STK17A: variants seen among roughly 807,000 people sequenced by gnomAD.
STK17A encodes the protein serine/threonine kinase 17a.
Under a neutral mutation model 43.7 loss-of-function variants are expected in STK17A, and 26 were observed. That is an observed-to-expected ratio of 0.60 (90% CI 0.44 to 0.83). STK17A has a LOEUF of 0.83. Among genes scored for constraint, STK17A ranks in the 40% least tolerant of loss-of-function variants. The pLI is 0.00. For synonymous variants in STK17A, 191 were observed against 182.5 expected (o/e 1.05, Z -0.38); for missense variants, 476 against 511.6 (o/e 0.93, Z 0.67).
chr7:43,591,963 T>A (rs1456972924), intron 1 of STK17A, among the ~76,000 whole-genome samples: 1 of 151,592 alleles, frequency 6.6e-6, no homozygotes, highest in Non-Finnish European at 1.5e-5. Flanking sequence ...GAATGTCAGG[T>A]GTGGCAACAG....
intron 3 of STK17A, among the ~76,000 whole-genome samples, chr7:43,616,407 C>T (rs2083347331): frequency 6.6e-6 from 1 of 152,194 alleles, no homozygotes; most frequent in Non-Finnish European, 1.5e-5. Flanking sequence ...TTCTTCCATT[C>T]ATTCACCCAA....
intron 1 of STK17A, among the ~76,000 whole-genome samples, chr7:43,594,296 A>G (rs546958027): frequency 6.7e-6 from 1 of 150,170 alleles, no homozygotes; most frequent in South Asian, 2.1e-4. Context: ...ATGGGGATTG[A>G]TTGCAAATTG....
In STK17A at chr7:43,583,351, G is replaced by A; in HGVS notation, c.108G>A (p.Pro36=). The change falls in exon 1 of 7, where the codon CCG becomes CCA. Residue 36 remains proline, a synonymous_variant. Coordinates refer to ENST00000319357, the MANE Select transcript of STK17A (RefSeq NM_004760.3). ...GLSGPCRPPP[P]PQARGLLTEI... ...GCGGGCCGTGCCGGCCGCCGCCGCCGCCCCAGGCCCGCGGGCTGCTGACAG... is the reference window on the plus strand; with the variant it reads ...GCGGGCCGTGCCGGCCGCCGCCGCCACCCCAGGCCCGCGGGCTGCTGACAG... The A allele has an allele frequency of 7.0e-7, 1 of 1,434,222 alleles. No homozygotes were observed. Among genetic ancestry groups the A allele is most frequent in the Admixed American group, 2.9e-5 (1 of 34,486 alleles). The allele number at this position is 1,434,222 out of a possible 1,614,324, so 88.8% of individuals were successfully genotyped here.
rs1379743838 is a variant in STK17A, at chr7:43,627,212, TTTGA to T, written c.*2376_*2379del. Among the ~76,000 whole-genome samples the T allele has an allele frequency of 1.2e-4, 18 of 152,210 alleles. No individual in the cohort carries two copies. Among genetic ancestry groups the T allele is most frequent in the African/African-American group, 3.4e-4 (14 of 41,444 alleles). Reference sequence around the variant, plus strand: ...AGTTTTAATCAACTGGGAAATGATATTTGATTGATCTTGTGTTTTGTTGTTTTCA... The same window carrying T: ...AGTTTTAATCAACTGGGAAATGATATTTGATCTTGTGTTTTGTTGTTTTCA... On this transcript the variant is annotated 3_prime_UTR_variant, in exon 7 of 7. Transcript: ENST00000319357.
chr7:43,592,554 A>G (rs762071291), intron 1 of STK17A, among the ~76,000 whole-genome samples: 1 of 152,124 alleles, frequency 6.6e-6, no homozygotes, highest in Non-Finnish European at 1.5e-5. Flanking sequence ...TAGAAGTTAG[A>G]ATTTAACAGG....
chr7:43,583,797 C>T (rs928689173), intron 1 of STK17A, among the ~76,000 whole-genome samples: 2 of 152,226 alleles, frequency 1.3e-5, no homozygotes, highest in African/African-American at 4.8e-5. Context: ...AGCAGCGGGT[C>T]TGAAAACCAG....
chr7:43,610,737 TATATAA>T (rs1296512117), intron 3 of STK17A, among the ~76,000 whole-genome samples: 1 of 152,174 alleles, frequency 6.6e-6, no homozygotes, highest in Non-Finnish European at 1.5e-5. Context: ...AGAGTCATAC[TATATAA>T]ATATAAATTC....
At chr7:43,616,748 T>C (rs1273076153) in intron 3 of STK17A, among the ~76,000 whole-genome samples, 1 of 151,760 alleles carries the variant, frequency 6.6e-6, no homozygotes, top group Non-Finnish European at 1.5e-5. Context: ...ATACAAAAAA[T>C]TAGCCGGGCG....
intron 2 of STK17A, among the ~76,000 whole-genome samples, chr7:43,598,484 A>AAG (rs2082535242): frequency 1.3e-5 from 2 of 151,608 alleles, no homozygotes; most frequent in African/African-American, 4.9e-5. Context: ...AAAAAAAAAA[A>AAG]AAAGGAAATA....
chr7:43,607,881 A>G (rs1478581828), intron 2 of STK17A, among the ~76,000 whole-genome samples: 1 of 152,214 alleles, frequency 6.6e-6, no homozygotes, highest in Non-Finnish European at 1.5e-5. Context: ...CTGTATGTGC[A>G]GAGGGCTTAG....
At chr7:43,619,895 G>C (rs748837966) in intron 4 of STK17A, among the ~76,000 whole-genome samples, 172 bp downstream of exon 4, 7 of 152,214 alleles carry the variant, frequency 4.6e-5, no homozygotes, top group African/African-American at 2.4e-5. Flanking sequence ...TCAAGAGTAA[G>C]ATACCAAATT....
Position 43,604,923 on chromosome 7 carries a change from C to T in STK17A, c.420-3333C>T, listed in dbSNP as rs144075019. 2.4e-3 allele frequency among the ~76,000 whole-genome samples: 365 copies of T among 152,242 alleles called. 3 individuals are homozygous for T. Among genetic ancestry groups the T allele is most frequent in the South Asian group, 0.02 (94 of 4,816 alleles). ...CTTCCATTGACAGCTTATTTTGCTG[C>T]ATCTTAAAATTCACTGATTCTTCTG... On this transcript the variant is annotated intron_variant, in intron 2 of 6. Coordinates refer to ENST00000319357, the MANE Select transcript of STK17A (RefSeq NM_004760.3).
intron 1 of STK17A, among the ~76,000 whole-genome samples, chr7:43,595,287 T>TTC (rs1554478606): frequency 7.6e-5 from 10 of 131,544 alleles, no homozygotes; most frequent in South Asian, 2.4e-4. Flanking sequence ...TTTTTTTTTT[T>TTC]CCCCCCTGGA....
chr7:43,601,894 G>A (rs111490153), intron 2 of STK17A, among the ~76,000 whole-genome samples: 63 of 152,126 alleles, frequency 4.1e-4, no homozygotes, highest in African/African-American at 1.4e-3. Context: ...AATCTCTTAT[G>A]TCCTTTTAAC....
Position 43,624,632 on chromosome 7 carries a change from A to T in STK17A, c.1035A>T (p.Glu345Asp), listed in dbSNP as rs557775841. The T allele has an allele frequency of 1.2e-6, 2 of 1,614,132 alleles. No individual in the cohort carries two copies. Among genetic ancestry groups the T allele is most frequent in the Non-Finnish European group, 1.7e-6 (2 of 1,180,010 alleles). The change falls in exon 7 of 7, where the codon GAA becomes GAT. Residue 345 changes from glutamate to aspartate, a missense_variant. Transcript: ENST00000319357. ...TAGAAGAAGCAAATGCCCTCCAAGA[A>T]GGTCATTCTGTGCCTGAAATTAATT... Reference protein sequence around the residue: ...KALEEANALQEGHSVPEINSD... With the variant: ...KALEEANALQDGHSVPEINSD...
At chr7:43,618,769 G>C (rs2083578725) in intron 3 of STK17A, among the ~76,000 whole-genome samples, 1 of 152,082 alleles carries the variant, frequency 6.6e-6, no homozygotes, top group Non-Finnish European at 1.5e-5. Flanking sequence ...TGTGGCTCTG[G>C]GGAGCTCTTT....
chr7:43,592,728 T>C (rs1246059652), intron 1 of STK17A, among the ~76,000 whole-genome samples: 1 of 148,576 alleles, frequency 6.7e-6, no homozygotes, highest in Non-Finnish European at 1.5e-5. Flanking sequence ...TAGCTGGGCA[T>C]GATGGTATGT....
intron 2 of STK17A, among the ~76,000 whole-genome samples, chr7:43,597,530 C>A (rs921404939): frequency 1.3e-5 from 2 of 152,092 alleles, no homozygotes; most frequent in African/African-American, 4.8e-5. Flanking sequence ...TACAGGCATC[C>A]GTCCACCTTT....
chr7:43,584,373 T>G (rs917531998), intron 1 of STK17A, among the ~76,000 whole-genome samples: 1 of 152,232 alleles, frequency 6.6e-6, no homozygotes, highest in African/African-American at 2.4e-5. Flanking sequence ...CAGCCTCACT[T>G]TCCTCATCCG....
Sources: gnomAD v4.1 joint callset for allele counts (sites outside exome capture counted in the v4.1 genomes callset) on GRCh38, gnomAD v4.1.1 for gene constraint, MANE v1.5 for transcripts, NCBI Gene and HGNC (gene_info 2026-07-23, HGNC 2026-07-21) for gene names.